The following DNAH7 variants were observed in gnomAD, a reference collection of about 807,000 sequenced individuals.
DNAH7 encodes the protein dynein axonemal heavy chain 7.
In DNAH7, 397 loss-of-function variants were observed where a neutral mutation model predicts 444.6. The ratio of observed to expected loss-of-function variants is 0.89; its 90% CI spans 0.82 to 0.97. DNAH7 has a LOEUF of 0.97. Among genes scored for constraint, DNAH7 ranks in the 50% least tolerant of loss-of-function variants. The pLI is 0.00. For synonymous variants in DNAH7, 1,636 were observed against 1,624.4 expected (o/e 1.01, Z -0.17); for missense variants, 4,902 against 4,800.8 (o/e 1.02, Z -0.62).
intron 63 of DNAH7, 168 bp from the exon 64 acceptor site, chr2:195,741,037 C>A (rs1692998201): frequency 3.1e-6 from 1 of 318,040 alleles, no homozygotes; most frequent in Non-Finnish European, 5.8e-6. Flanking sequence ...ATCCATATTT[C>A]AAGAACATTG....
intron 59 of DNAH7, 104 bp from the exon 60 acceptor site, chr2:195,776,087 T>G: frequency 7.1e-7 from 1 of 1,398,712 alleles, no homozygotes; most frequent in Non-Finnish European, 9.8e-7. Context: ...ATTGACTGGA[T>G]AGGCCTGTGA....
intron 30 of DNAH7, chr2:195,894,685 G>C (rs1702204117): frequency 4.7e-6 from 1 of 212,182 alleles, no homozygotes; most frequent in African/African-American, 2.3e-5. Flanking sequence ...AGTATTGCAG[G>C]AAAACCTTCA....
At chr2:195,859,482 A>G (rs1410255701) in intron 42 of DNAH7, among the ~76,000 whole-genome samples, 1 of 152,134 alleles carries the variant, frequency 6.6e-6, no homozygotes, top group African/African-American at 2.4e-5. Context: ...ATATGTCTCT[A>G]TAGAGAAAAC....
intron 10 of DNAH7, among the ~76,000 whole-genome samples, chr2:196,004,759 G>T (rs1292773587): frequency 1.3e-5 from 2 of 148,208 alleles, no homozygotes; most frequent in East Asian, 4.0e-4. Context: ...AGACCAGCCT[G>T]GACAACATGG....
chr2:195,746,816 A>G (rs1693443217), intron 63 of DNAH7, among the ~76,000 whole-genome samples: 1 of 152,212 alleles, frequency 6.6e-6, no homozygotes, highest in Non-Finnish European at 1.5e-5. Context: ...AAGACACAAC[A>G]TACCAGAATC....
rs748432820 is a variant in DNAH7, at chr2:195,888,349, G to T, written c.5315C>A (p.Ala1772Glu). The T allele has an allele frequency of 4.3e-6, 7 of 1,609,876 alleles. No homozygotes were observed. The highest frequency in any genetic ancestry group is 5.9e-6 in the Non-Finnish European group (7 of 1,178,678). Residue 1772 changes from alanine (A) to glutamate (E), a missense_variant, in exon 33 of 65, where the codon GCG (alanine) becomes GAG (glutamate). Transcript: ENST00000312428. The stretch of plus-strand genomic sequence containing the variant: ...TTCCTTTTGAATAACACTGACTGAC[G>T]CAGGTAACAGATTCACCCAGGACAA... The part of the protein sequence containing the change: ...LMLSWVNLLP[A>E]SVSVIQKEFI...
At chr2:195,926,134 AT>A (rs1053704536) in intron 22 of DNAH7, among the ~76,000 whole-genome samples, 8 of 152,080 alleles carry the variant, frequency 5.3e-5, no homozygotes, top group African/African-American at 1.9e-4. Context: ...TTATCACTCT[AT>A]TTTTAAAGGC....
At chr2:195,793,797 C>T (rs1050684212) in intron 57 of DNAH7, among the ~76,000 whole-genome samples, 6 of 152,074 alleles carry the variant, frequency 3.9e-5, no homozygotes, top group Non-Finnish European at 8.8e-5. Flanking sequence ...TATGGCAAAA[C>T]GCTGTGAAAC....
At chr2:195,824,044 C>T (rs1342088894) in intron 49 of DNAH7, among the ~76,000 whole-genome samples, 5 of 151,836 alleles carry the variant, frequency 3.3e-5, no homozygotes, top group Admixed American at 3.3e-4. Context: ...TTCTGATGAC[C>T]TTTTTTCACA....
intron 47 of DNAH7, among the ~76,000 whole-genome samples, chr2:195,839,960 T>C (rs1400828122): frequency 6.6e-6 from 1 of 151,800 alleles, no homozygotes; most frequent in Non-Finnish European, 1.5e-5. Context: ...ATTCTAATTC[T>C]ACATGATCTC....
At chr2:195,954,080 GGTTT>G (rs1483947788) in intron 19 of DNAH7, among the ~76,000 whole-genome samples, 1 of 152,064 alleles carries the variant, frequency 6.6e-6, no homozygotes. Flanking sequence ...ACAACATGCA[GGTTT>G]GTTACATATG....
rs1347708999 is a variant in DNAH7, at chr2:195,768,056, AG to A, written c.11433+3603del. ...GATAACTGTATTGTGATATTGTAAA[AG>A]AATATTCTTGTTTTTGGAAAGTACA... On this transcript the variant is annotated intron_variant, in intron 61 of 64. Coordinates refer to ENST00000312428, the MANE Select transcript of DNAH7 (RefSeq NM_018897.3). Among the ~76,000 whole-genome samples the A allele has an allele frequency of 4.6e-5, 7 of 151,626 alleles. No homozygotes were observed. The East Asian group carries it at 1.3e-3, about 29-fold the overall frequency.
intron 63 of DNAH7, among the ~76,000 whole-genome samples, chr2:195,749,831 G>A (rs1271466205): frequency 6.9e-6 from 1 of 144,006 alleles, no homozygotes; most frequent in African/African-American, 2.6e-5. Context: ...GGGGACTGTT[G>A]TGGGGAAGGG....
chr2:195,940,801 G>A (rs970323242), intron 19 of DNAH7, among the ~76,000 whole-genome samples: 8 of 152,242 alleles, frequency 5.3e-5, no homozygotes, highest in African/African-American at 1.9e-4. Flanking sequence ...TTAGAGAAAT[G>A]CAAATCAAAA....
In DNAH7 at chr2:196,068,490, C is replaced by T. The variant is rs1284231684; in HGVS notation, c.15+207G>A. ...AGGCGGCTAGGTTTGGTTGTTATGA[C>T]GACCAAGGGCAAACAGCTGGGAAGG... On this transcript the variant is annotated intron_variant, in intron 1 of 64. Transcript: ENST00000312428. 9 of 668,134 alleles carry T rather than the reference C, an allele frequency of 1.3e-5. No homozygotes were observed. In the East Asian group the frequency reaches 1.5e-4, roughly 11 times the overall value. 41.4% of individuals were successfully genotyped at this position (668,134 alleles called of 1,614,324 possible). A position where few individuals can be genotyped will look rare whatever the true frequency, so the allele number is the denominator to read the frequency against.
In DNAH7 at chr2:195,972,446, C is replaced by T; in HGVS notation, c.1854G>A (p.Glu618=). 3 of 1,613,936 alleles carry T rather than the reference C, an allele frequency of 1.9e-6. No homozygotes were observed. The highest frequency in any genetic ancestry group is 2.5e-6 in the Non-Finnish European group (3 of 1,179,918). The stretch of plus-strand genomic sequence containing the variant: ...GTTCTAGTTCAATCATATCAGTTAC[C>T]TCCACTTTCTGAATGTAAGCCTGAG... The part of the protein sequence containing the change: ...MEMKAYIQKV[E]VTDMIELEQR... Residue 618 remains glutamate, a synonymous_variant, in exon 16 of 65, where the codon GAG becomes GAA. Coordinates refer to ENST00000312428, the MANE Select transcript of DNAH7 (RefSeq NM_018897.3).
chr2:195,886,270 T>C lies in DNAH7; in HGVS notation c.5409A>G (p.Glu1803=). 6.2e-7 allele frequency: 1 copy of C among 1,610,578 alleles called. No homozygotes were observed. The highest frequency in any genetic ancestry group is 8.5e-7 in the Non-Finnish European group (1 of 1,178,816). Residue 1803 remains glutamate (E), a splice_region_variant and synonymous_variant, in exon 34 of 65, where the codon GAA becomes GAG. Coordinates refer to ENST00000312428, the MANE Select transcript of DNAH7 (RefSeq NM_018897.3). ...SVEFIRKHTK[E]LSPTSDTNLV... is the part of the protein sequence containing the mutation. ...AGTTTGTATCGGAAGTAGGAGATAA[T>C]TCCTGAAAAGTCAGTAAGAAAAATG...
intron 5 of DNAH7, 85 bp downstream of exon 5, chr2:196,047,267 T>C (rs1697191563): frequency 1.6e-6 from 2 of 1,253,718 alleles, no homozygotes; most frequent in Non-Finnish European, 2.1e-6. Flanking sequence ...CCCTTAGAGA[T>C]GCACAGAATT....
intron 5 of DNAH7, among the ~76,000 whole-genome samples, chr2:196,042,025 C>G (rs1356575091): frequency 6.6e-6 from 1 of 151,896 alleles, no homozygotes; most frequent in Non-Finnish European, 1.5e-5. Context: ...TTATTTTACC[C>G]CAGTTAAAAT....
Sources: allele counts gnomAD v4.1 joint callset (sites outside exome capture counted in the v4.1 genomes callset), GRCh38; gene constraint gnomAD v4.1.1; transcripts MANE v1.5; gene names NCBI Gene and HGNC (gene_info 2026-07-23, HGNC 2026-07-21).